The following SPEG variants were observed in gnomAD, a reference collection of about 807,000 sequenced individuals.
SPEG encodes striated muscle enriched protein kinase, also known as striated muscle preferentially expressed protein kinase.
SPEG carries 114 observed loss-of-function variants against 300.4 expected under a neutral mutation model. The observed-to-expected ratio is 0.38, with a 90% CI of 0.33 to 0.44. SPEG has a LOEUF of 0.44. Ranked by LOEUF, SPEG falls within the 20% of genes least tolerant of loss-of-function variation. The pLI is 1.00. For synonymous variants in SPEG, 1,964 were observed against 2,018.9 expected, an observed-to-expected ratio of 0.97 and a Z score of 0.73; for missense variants, 4,201 against 4,586.2, an observed-to-expected ratio of 0.92 and a Z score of 2.43.
intron 9 of SPEG, chr2:219,466,338 G>A: frequency 7.1e-7 from 1 of 1,405,606 alleles, no homozygotes; most frequent in South Asian, 1.6e-5. Flanking sequence ...GCTGCGAGGG[G>A]TATCAACCCC....
rs778978461 is a variant in SPEG at position 219,448,106 on chromosome 2, C to T, written c.948C>T (p.Val316=). ...TGCTCCCCCCACCGTCCCCTCGGGT[C>T]GGGAAGCGGTCCCCGCCGGGACCCC... is the stretch of plus-strand genomic sequence containing the variant. ...SALLPPPSPR[V]GKRSPPGPPA... Residue 316 remains valine, a synonymous_variant, in exon 4 of 41, where the codon GTC becomes GTT. Coordinates refer to ENST00000312358, the MANE Select transcript of SPEG (RefSeq NM_005876.5). 1.9e-6 allele frequency: 3 copies of T among 1,602,828 alleles called. No individual in the cohort carries two copies. Among genetic ancestry groups the T allele is most frequent in the South Asian group, 2.2e-5 (2 of 90,122 alleles).
chr2:219,451,860 C>G lies in SPEG; in HGVS notation c.2440+53C>G. 20 of 1,459,234 alleles carry G rather than the reference C, an allele frequency of 1.4e-5. No individual in the cohort carries two copies. Among genetic ancestry groups the G allele is most frequent in the South Asian group, 2.8e-5 (2 of 72,352 alleles). The allele number at this position is 1,459,234 out of a possible 1,614,324, so 90.4% of individuals were successfully genotyped here. On this transcript the variant is annotated intron_variant, in intron 6 of 40. Coordinates refer to ENST00000312358, the MANE Select transcript of SPEG (RefSeq NM_005876.5). This position sits in a 1 kb window ranked among gnomAD's most constrained non-coding sequence, Gnocchi z 6.4. ...GGTGGGGGCAAGCCGTGACTCTCCC[C>G]TGGCCCAGGCCCCAGTCCACCTCCC...
rs1329955487 is a variant in SPEG, at chr2:219,489,698, G to A, written c.8680G>A (p.Val2894Met). 19 of 1,613,986 alleles carry A rather than the reference G, an allele frequency of 1.2e-5. No individual in the cohort carries two copies. Among genetic ancestry groups the A allele is most frequent in the Non-Finnish European group, 1.4e-5 (17 of 1,180,018 alleles). ...CTCCACTCCTCAAGGGGTTAAACCA[G>A]TGTCTTCCTCTACTCCTGTGTATGT... ...PASTPQGVKP[V>M]SSSTPVYVVT... The change falls in exon 36 of 41, where the codon GTG becomes ATG. Residue 2894 changes from valine (V) to methionine (M), a missense_variant. This residue lies in a region of SPEG where 1,578 missense variants were observed against 1,506.0 expected (regional missense o/e 1.05). Coordinates refer to ENST00000312358, the MANE Select transcript of SPEG (RefSeq NM_005876.5).
At position 219,481,855 on chromosome 2, in the gene SPEG, G is replaced by T. The variant is rs1692875689; in HGVS notation, c.5565+175G>T. Among the ~76,000 whole-genome samples, 1 of 152,222 alleles carries T rather than the reference G, an allele frequency of 6.6e-6. No individual in the cohort carries two copies. The highest frequency in any genetic ancestry group is 1.5e-5 in the Non-Finnish European group (1 of 68,048). ...AGGAAGGCATTATTAGTCCCATTTT[G>T]TTGACAAGGAAACAGGCTCTAATCA... On this transcript the variant is annotated intron_variant, in intron 28 of 40. Transcript: ENST00000312358. The surrounding 1 kb of genome is among the most constrained non-coding windows in gnomAD (Gnocchi z 5.4).
rs775582963 is a variant in SPEG at position 219,481,256 on chromosome 2, C to G, written c.5370-48C>G. 1.3e-6 allele frequency: 2 copies of G among 1,593,702 alleles called. No individual in the cohort carries two copies. Among genetic ancestry groups the G allele is most frequent in the East Asian group, 2.2e-5 (1 of 44,744 alleles). On this transcript the variant is annotated intron_variant, in intron 26 of 40. Coordinates refer to ENST00000312358, the MANE Select transcript of SPEG (RefSeq NM_005876.5). This position sits in a 1 kb window ranked among gnomAD's most constrained non-coding sequence, Gnocchi z 5.4. ...CAGCCCTGTGCCCCCACTGACATTC[C>G]CCTTTGTCCCCGCCTGCCCCTCATG...
In SPEG at chr2:219,473,250, C is replaced by G. The variant is rs2125493922; in HGVS notation, c.4147+154C>G. On this transcript the variant is annotated intron_variant, in intron 16 of 40. Coordinates refer to ENST00000312358, the MANE Select transcript of SPEG (RefSeq NM_005876.5). This position sits in a 1 kb window ranked among gnomAD's most constrained non-coding sequence, Gnocchi z 4.6. The stretch of plus-strand genomic sequence containing the variant: ...TTGGCCCATCTGTACACTTCCTTCT[C>G]CCTCCTGAAAGCAGCAGGGCACGGT... 1 of 811,572 alleles carries G rather than the reference C, an allele frequency of 1.2e-6. No individual in the cohort carries two copies. The highest frequency in any genetic ancestry group is 2.7e-5 in the East Asian group (1 of 37,288). 50.3% of individuals were successfully genotyped at this position (811,572 alleles called of 1,614,324 possible).
intron 40 of SPEG, 151 bp downstream of exon 40, chr2:219,492,411 G>C: frequency 8.8e-7 from 1 of 1,139,804 alleles, no homozygotes; most frequent in East Asian, 2.5e-5. Context: ...GCCTGAGGCA[G>C]CCCCGTGCAA....
rs1351352628 is a variant in SPEG, at chr2:219,482,849, G to A, written c.5631G>A (p.Trp1877Ter). 1 of 1,613,734 alleles carries A rather than the reference G, an allele frequency of 6.2e-7. No individual in the cohort carries two copies. Among genetic ancestry groups the A allele is most frequent in the Admixed American group, 1.7e-5 (1 of 60,010 alleles). The change falls in exon 29 of 41, where the codon TGG (tryptophan) becomes TGA (stop). Residue 1877 changes from tryptophan to a stop codon, truncating the protein, a stop_gained. Coordinates refer to ENST00000312358, the MANE Select transcript of SPEG (RefSeq NM_005876.5). LOFTEE classifies it high-confidence loss of function. ...AGCTATTCCTCTCCCGGCGGAGGTG[G>A]CAGGTAAGTGTGGCAGGCCAGCCTC... ...HLKLFLSRRR[W>*]QRSQISYKCH...
chr2:219,468,363 C>T (rs1289900364), intron 10 of SPEG, among the ~76,000 whole-genome samples: 12 of 152,112 alleles, frequency 7.9e-5, no homozygotes, highest in Admixed American at 7.9e-4. Context: ...GAGTCCCCAG[C>T]CCACCATGGC....
chr2:219,466,712 T>C, intron 9 of SPEG: 1 of 999,840 alleles, frequency 1.0e-6, no homozygotes, highest in Non-Finnish European at 1.2e-6. Context: ...TGGGGCCCCC[T>C]CCTTCTCTGT....
chr2:219,484,491 C>T lies in SPEG; in HGVS notation c.7028C>T (p.Ser2343Leu), dbSNP rs771192280. The stretch of plus-strand genomic sequence containing the variant: ...GCCAAGTTCAAGCGCAGCCGCGAGT[C>T]GCCCCTGTCGCTGGGGCTGCGGCTG... Reference protein sequence around the residue: ...FEAKFKRSRESPLSLGLRLLS... With the variant: ...FEAKFKRSRELPLSLGLRLLS... Residue 2343 changes from serine to leucine, a missense_variant, in exon 30 of 41, where the codon TCG (serine) becomes TTG (leucine). Around this residue, in one of 4 missense-constraint regions of SPEG, gnomAD observed 1,578 missense variants for 1,506.0 expected, o/e 1.05. Transcript: ENST00000312358. 3 of 1,607,650 alleles carry T rather than the reference C, an allele frequency of 1.9e-6. No homozygotes were observed. Among genetic ancestry groups the T allele is most frequent in the South Asian group, 2.2e-5 (2 of 90,802 alleles).
intron 1 of SPEG, among the ~76,000 whole-genome samples, chr2:219,440,483 A>G (rs1954831551): frequency 6.6e-6 from 1 of 152,180 alleles, no homozygotes; most frequent in East Asian, 1.9e-4. Flanking sequence ...AGGTGCGCTG[A>G]GCTCAGGCAT....
chr2:219,465,926 CGCGTGTGCGTGCACGTGTGCGTGCATGT>C, intron 9 of SPEG: 1 of 217,522 alleles, frequency 4.6e-6, no homozygotes, highest in Non-Finnish European at 8.6e-6. Flanking sequence ...TGTGTGTGCG[CGCGTGTGCGTGCACGTGTGCGTGCATGT>C]GTGCGTGTGC....
rs62191887 is a variant in SPEG, at chr2:219,484,663, C to A, written c.7200C>A (p.Val2400=). The A allele has an allele frequency of 8.8e-3, 13,415 of 1,529,802 alleles. 77 individuals carry two copies. Among genetic ancestry groups the A allele is most frequent in the Non-Finnish European group, 9.9e-3 (11,331 of 1,144,594 alleles). 94.8% of individuals were successfully genotyped at this position (1,529,802 alleles called of 1,614,324 possible). The change falls in exon 30 of 41, where the codon GTC becomes GTA. Residue 2400 remains valine (V), a synonymous_variant. Transcript: ENST00000312358. The part of the protein sequence containing the change: ...RSRSVQDLRA[V]GEPGLVRRLS... ...GCTCGGTGCAGGACCTCAGGGCTGT[C>A]GGAGAGCCTGGCCTCGTCCGCCGCC...
intron 18 of SPEG, among the ~76,000 whole-genome samples, chr2:219,476,015 A>C (rs1489993312): frequency 1.4e-5 from 2 of 145,510 alleles, no homozygotes; most frequent in Non-Finnish European, 3.0e-5. Flanking sequence ...TGAGATGCTC[A>C]AACACGCTGG....
Position 219,485,031 on chromosome 2 carries a change from A to T in SPEG, c.7568A>T (p.Glu2523Val). 6.5e-7 allele frequency: 1 copy of T among 1,532,138 alleles called. No individual in the cohort carries two copies. Among genetic ancestry groups the T allele is most frequent in the Non-Finnish European group, 8.7e-7 (1 of 1,145,778 alleles). 94.9% of individuals were successfully genotyped at this position (1,532,138 alleles called of 1,614,324 possible). A position where few individuals can be genotyped will look rare whatever the true frequency, so the allele number is the denominator to read the frequency against. ...AQAGATTPSA[E>V]SLGSEASATS... ...GCCGGCGCCACCACGCCTTCCGCCGAGTCCCTGGGCTCCGAGGCCAGCGCC... is the reference window on the plus strand; with the variant it reads ...GCCGGCGCCACCACGCCTTCCGCCGTGTCCCTGGGCTCCGAGGCCAGCGCC... Residue 2523 changes from glutamate to valine, a missense_variant, in exon 30 of 41, where the codon GAG becomes GTG. This residue lies in a region of SPEG where 1,578 missense variants were observed against 1,506.0 expected (regional missense o/e 1.05). Transcript: ENST00000312358.
At chr2:219,461,499 CT>C in intron 6 of SPEG, 1 of 1,085,468 alleles carries the variant, frequency 9.2e-7, no homozygotes, top group Non-Finnish European at 1.1e-6. Flanking sequence ...CCTGCTTCCC[CT>C]GCTTTTGGAG....
At chr2:219,476,337 A>G (rs1413548481) in intron 18 of SPEG, among the ~76,000 whole-genome samples, 1 of 152,202 alleles carries the variant, frequency 6.6e-6, no homozygotes, top group Non-Finnish European at 1.5e-5. Flanking sequence ...AGGCAATGCC[A>G]TCCATGAGCT....
rs1237247450 is a variant in SPEG at position 219,445,032 on chromosome 2, C to T, written c.686C>T (p.Pro229Leu). 7 of 1,608,810 alleles carry T rather than the reference C, an allele frequency of 4.4e-6. No homozygotes were observed. Among genetic ancestry groups the T allele is most frequent in the Admixed American group, 1.7e-5 (1 of 59,324 alleles). ...GGGCCACGGCACCTGGGGGTGGAGC[C>T]GCTGGTGCGGGCATCTCGAGCTAAT... ...GAGPRHLGVE[P>L]LVRASRANLV... Residue 229 changes from proline to leucine, a missense_variant, in exon 3 of 41, where the codon CCG becomes CTG. Physicochemically the swap from Pro to Leu is moderately conservative, Grantham distance 98. Coordinates refer to ENST00000312358, the MANE Select transcript of SPEG (RefSeq NM_005876.5). This position sits in a 1 kb window ranked among gnomAD's most constrained non-coding sequence, Gnocchi z 6.1.
Sources: allele counts gnomAD v4.1 joint callset (sites outside exome capture counted in the v4.1 genomes callset), GRCh38; gene constraint gnomAD v4.1.1; regional missense constraint gnomAD v4.1.1; non-coding constraint Gnocchi (gnomAD v3.1); transcripts MANE v1.5; gene names NCBI Gene and HGNC (gene_info 2026-07-23, HGNC 2026-07-21).